Variants in DMD observed in about 807,000 individuals in gnomAD.
The protein encoded by DMD is mutant dystrophin.
DMD carries 63 observed loss-of-function variants against 330.1 expected under a neutral mutation model. That is an observed-to-expected ratio of 0.19 (90% CI 0.16 to 0.24). DMD has a LOEUF of 0.24. Among genes scored for constraint, DMD ranks in the 10% least tolerant of loss-of-function variants. The probability of loss-of-function intolerance (pLI) is 1.00; values close to 1 mark genes in which losing one functional copy is unlikely to be tolerated. For missense variants in DMD, 3,344 were observed against 2,684.1 expected, an observed-to-expected ratio of 1.25 and a Z score of -5.43; for synonymous variants, 1,223 against 959.8, an observed-to-expected ratio of 1.27 and a Z score of -5.07.
intron 63 of DMD, 38 bp downstream of exon 63, chrX:31,260,917 T>C (rs2050448070): frequency 1.7e-6 from 2 of 1,168,081 alleles, no homozygotes; most frequent in South Asian, 1.8e-5. Context: ...AAAGGTCACC[T>C]GTCATTTAAC....
intron 7 of DMD, among the ~76,000 whole-genome samples, chrX:32,786,940 C>A (rs768039622): frequency 9.9e-6 from 1 of 101,191 alleles, no homozygotes; most frequent in South Asian, 4.4e-4. Context: ...TAATAAATAT[C>A]ACACCAGATT....
At chrX:32,142,957 C>T (rs755244648) in intron 44 of DMD, among the ~76,000 whole-genome samples, 93 of 111,658 alleles carry the variant, frequency 8.3e-4, no homozygotes, top group African/African-American at 3.0e-3. Flanking sequence ...TCACTCAACA[C>T]GGTTTTCTTA....
intron 41 of DMD, among the ~76,000 whole-genome samples, chrX:32,341,271 T>G (rs1193316602): frequency 8.9e-6 from 1 of 111,772 alleles, no homozygotes; most frequent in East Asian, 2.8e-4. Flanking sequence ...TGAGGAGTAC[T>G]TTCTTCTATA....
At chrX:32,995,221 A>G (rs12837811) in intron 2 of DMD, among the ~76,000 whole-genome samples, 2,979 of 112,318 alleles carry the variant, frequency 0.027, 71 homozygotes, top group East Asian at 0.18. Context: ...CTGTTCTATG[A>G]CTTTTTAGTT....
At chrX:32,677,912 T>G (rs143855730) in intron 9 of DMD, among the ~76,000 whole-genome samples, 2,812 of 111,809 alleles carry the variant, frequency 0.025, 100 homozygotes, top group African/African-American at 0.085. Flanking sequence ...CAATGGAATT[T>G]TATTCAGTCT....
intron 63 of DMD, among the ~76,000 whole-genome samples, chrX:31,227,346 A>C (rs2046715638): frequency 9.0e-6 from 1 of 111,526 alleles, no homozygotes; most frequent in African/African-American, 3.3e-5. Context: ...ATCAGAGTTC[A>C]AACTTTCTTC....
chrX:31,500,630 T>C (rs1450420477), intron 56 of DMD, among the ~76,000 whole-genome samples: 4 of 112,436 alleles, frequency 3.6e-5, no homozygotes, highest in African/African-American at 1.3e-4. Flanking sequence ...TAACCTATGT[T>C]TGCATGTGGA....
chrX:31,463,743 C>T (rs758516518), intron 59 of DMD, among the ~76,000 whole-genome samples: 2 of 111,775 alleles, frequency 1.8e-5, no homozygotes, highest in East Asian at 5.6e-4. Flanking sequence ...GGTACATGCA[C>T]ATGTATACAC....
intron 53 of DMD, among the ~76,000 whole-genome samples, chrX:31,673,236 A>G (rs760326473): frequency 8.9e-6 from 1 of 112,302 alleles, no homozygotes; most frequent in South Asian, 3.7e-4. Context: ...GCCAACTTAA[A>G]AAACCTCAAA....
chrX:31,491,732 T>C (rs1188956532), intron 57 of DMD, among the ~76,000 whole-genome samples: 1 of 111,484 alleles, frequency 9.0e-6, no homozygotes, highest in Non-Finnish European at 1.9e-5. Flanking sequence ...GTGGAGTATC[T>C]TGGAATTTTA....
chrX:32,178,195 C>A, intron 44 of DMD, among the ~76,000 whole-genome samples: 1 of 68,745 alleles, frequency 1.5e-5, no homozygotes, highest in Admixed American at 2.1e-4. Flanking sequence ...GTCTCAAGAC[C>A]ATTTTTTTTT....
At chrX:32,261,256 G>A (rs1349764556) in intron 43 of DMD, among the ~76,000 whole-genome samples, 1 of 111,863 alleles carries the variant, frequency 8.9e-6, no homozygotes, top group East Asian at 2.8e-4. Context: ...GAAATGTGAA[G>A]CAGGAGTGCT....
rs1556640075 is a variant in DMD, at chrX:31,441,620, A to ATT, written c.9084+2860_9084+2861insAA. 7.2e-5 allele frequency among the ~76,000 whole-genome samples: 7 copies of ATT among 97,713 alleles called. No homozygotes were observed. The South Asian group carries it at 2.9e-3, about 40-fold the overall frequency. The allele number at this position is 97,713 out of a possible 115,157, so 84.9% of individuals were successfully genotyped here. ...TGACTAAATTCTTTATTTTCATAGA[A>ATT]ATATGTCTTTTTTGACATTTACTAT... On this transcript the variant is annotated intron_variant, in intron 60 of 78. Coordinates refer to ENST00000357033, the MANE Select transcript of DMD (RefSeq NM_004006.3).
At chrX:33,217,794 T>G (rs772972868) in intron 1 of DMD, among the ~76,000 whole-genome samples, 1 of 111,615 alleles carries the variant, frequency 9.0e-6, no homozygotes, top group Admixed American at 9.6e-5. Flanking sequence ...TGATCTTGTA[T>G]CCTAAGACCT....
intron 67 of DMD, among the ~76,000 whole-genome samples, chrX:31,201,835 CAT>C (rs888913456): frequency 2.7e-5 from 3 of 112,275 alleles, no homozygotes; most frequent in African/African-American, 9.7e-5. Flanking sequence ...AATGCACACA[CAT>C]ATGTTTATAT....
chrX:32,080,738 C>CGAG (rs2096385451), intron 44 of DMD, among the ~76,000 whole-genome samples: 1 of 111,645 alleles, frequency 9.0e-6, no homozygotes, highest in Non-Finnish European at 1.9e-5. Context: ...AGACAGCCTT[C>CGAG]AGCTCTCAGT....
intron 17 of DMD, among the ~76,000 whole-genome samples, chrX:32,531,890 A>T (rs1215156758): frequency 8.9e-6 from 1 of 111,850 alleles, no homozygotes; most frequent in Non-Finnish European, 1.9e-5. Context: ...TCAGGATATT[A>T]ATTCTGAAAT....
chrX:32,657,682 G>A lies in DMD; in HGVS notation c.961-12530C>T, dbSNP rs1392472680. On this transcript the variant is annotated intron_variant, in intron 9 of 78. Coordinates refer to ENST00000357033, the MANE Select transcript of DMD (RefSeq NM_004006.3). ...AATTTTAAAAGTCAGTATTTGGTTG[G>A]AATTCATATGAGTTGGTAATTGAAA... Among the ~76,000 whole-genome samples, 6 of 111,833 alleles carry A rather than the reference G, an allele frequency of 5.4e-5. No individual in the cohort carries two copies. The Admixed American group carries it at 5.7e-4, about 11-fold the overall frequency.
chrX:32,750,197 C>G (rs1171084630), intron 7 of DMD, among the ~76,000 whole-genome samples: 1 of 111,985 alleles, frequency 8.9e-6, no homozygotes, highest in Non-Finnish European at 1.9e-5. Flanking sequence ...ATCATAAACT[C>G]TATGAAAACT....
Sources: gnomAD v4.1 joint callset for allele counts (sites outside exome capture counted in the v4.1 genomes callset) on GRCh38, gnomAD v4.1.1 for gene constraint, MANE v1.5 for transcripts, NCBI Gene and HGNC (gene_info 2026-07-23, HGNC 2026-07-21) for gene names.